Variants in VARS1 observed in about 807,000 individuals in gnomAD.
The protein encoded by VARS1 is valine--tRNA ligase.
In VARS1, 92 loss-of-function variants were observed where a neutral mutation model predicts 161.0. The ratio of observed to expected loss-of-function variants is 0.57; its 90% confidence interval spans 0.48 to 0.68. The LOEUF is 0.68. Among genes scored for constraint, VARS1 ranks in the 30% least tolerant of loss-of-function variants. The probability of loss-of-function intolerance (pLI) is 0.00; values close to 1 mark genes in which losing one functional copy is unlikely to be tolerated. For missense variants in VARS1, 1,338 were observed against 1,695.9 expected (o/e 0.79, Z 3.71); for synonymous variants, 595 against 682.5 (o/e 0.87, Z 2.00).
chr6:31,792,331 G>C, intron 5 of VARS1, 30 bp from the exon 6 acceptor site: 1 of 1,613,862 alleles, frequency 6.2e-7, no homozygotes, highest in Non-Finnish European at 8.5e-7. Flanking sequence ...CATAGGCCCA[G>C]GCATCAGCCA....
At chr6:31,787,826 T>C (rs969359423) in intron 8 of VARS1, among the ~76,000 whole-genome samples, 4 of 149,156 alleles carry the variant, frequency 2.7e-5, no homozygotes, top group African/African-American at 7.4e-5. Context: ...TATTAAAAAA[T>C]TGAAAAACAG....
chr6:31,783,888 C>T (rs1329694222), intron 13 of VARS1, among the ~76,000 whole-genome samples: 1 of 152,150 alleles, frequency 6.6e-6, no homozygotes, highest in East Asian at 1.9e-4. Flanking sequence ...GTCTCGAACT[C>T]GTGACCTTAT....
rs1292333823 is a variant in VARS1 at position 31,781,769 on chromosome 6, A to G, written c.2348-8T>C. ...TATCCAATACATCCTCATCTGAGAG[A>G]GGCCAAAGGTCAGAGGTCAGAGGGA... On this transcript the variant is annotated splice_polypyrimidine_tract_variant and splice_region_variant and intron_variant, in intron 19 of 29. Transcript: ENST00000375663. The surrounding 1 kb of genome is among the most constrained non-coding windows in gnomAD (Gnocchi z 6.8). 6.2e-7 allele frequency: 1 copy of G among 1,612,888 alleles called. No individual in the cohort carries two copies. The highest frequency in any genetic ancestry group is 1.3e-5 in the African/African-American group (1 of 74,898).
rs150385182 is a variant in VARS1, at chr6:31,792,839, C to A, written c.579G>T (p.Thr193=). 1.2e-6 allele frequency: 2 copies of A among 1,614,054 alleles called. No homozygotes were observed. The highest frequency in any genetic ancestry group is 1.7e-6 in the Non-Finnish European group (2 of 1,180,046). The part of the protein sequence containing the change: ...IWNNVTRWFV[T]CVRQPEFRAV... ...CTCGGAATTCTGGCTGCCGGACACA[C>A]GTGACAAACCAGCGAGTCACATTAT... The change falls in exon 4 of 30, where the codon ACG becomes ACT. Residue 193 remains threonine (T), a synonymous_variant. Coordinates refer to ENST00000375663, the MANE Select transcript of VARS1 (RefSeq NM_006295.3).
rs1813895978 is a variant in VARS1 at position 31,791,949 on chromosome 6, G to A, written c.894C>T (p.Asp298=). The part of the protein sequence containing the change: ...EKKDVSGPMP[D]SYSPRYVEAA... Reference sequence around the variant, plus strand: ...CCTCCACATACCGAGGGCTGTAGGAGTCGGGCATGGGGCCACTGACATCTG... The same window carrying A: ...CCTCCACATACCGAGGGCTGTAGGAATCGGGCATGGGGCCACTGACATCTG... Residue 298 remains aspartate, a synonymous_variant, in exon 7 of 30, where the codon GAC becomes GAT. Transcript: ENST00000375663. The surrounding 1 kb of genome is among the most constrained non-coding windows in gnomAD (Gnocchi z 5.0). 1 of 1,598,730 alleles carries A rather than the reference G, an allele frequency of 6.3e-7. No homozygotes were observed. The highest frequency in any genetic ancestry group is 1.7e-5 in the Admixed American group (1 of 58,894).
chr6:31,779,228 C>A lies in VARS1; in HGVS notation c.3465G>T (p.Gln1155His), dbSNP rs762563641. 1 of 1,606,734 alleles carries A rather than the reference C, an allele frequency of 6.2e-7. No homozygotes were observed. Among genetic ancestry groups the A allele is most frequent in the Non-Finnish European group, 8.5e-7 (1 of 1,179,278 alleles). The change falls in exon 29 of 30, where the codon CAG becomes CAT. Residue 1155 changes from glutamine to histidine, a missense_variant. Around this residue, in one of 3 missense-constraint regions of VARS1, gnomAD observed 433 missense variants for 586.2 expected, o/e 0.74. Coordinates refer to ENST00000375663, the MANE Select transcript of VARS1 (RefSeq NM_006295.3). The surrounding 1 kb of genome is among the most constrained non-coding windows in gnomAD (Gnocchi z 9.1). ...CCACCACACCTGCGCTGGCCAGGGC[C>A]TGCACGTAGCCCGACACCGCCGATG... The part of the protein sequence containing the change: ...ALASAVSGYV[Q>H]ALASAGVVAV...
rs930274018 is a variant in VARS1, at chr6:31,782,195, G to A, written c.2151-18C>T. On this transcript the variant is annotated intron_variant, in intron 17 of 29. Coordinates refer to ENST00000375663, the MANE Select transcript of VARS1 (RefSeq NM_006295.3). The surrounding 1 kb of genome is among the most constrained non-coding windows in gnomAD (Gnocchi z 8.3). ...ACCACTCCCTGCAAATGTCGGGGAG[G>A]AGAAATCAGGGAGGGCCTGATGGAG... 4.3e-6 allele frequency: 7 copies of A among 1,612,926 alleles called. No homozygotes were observed. The highest frequency in any genetic ancestry group is 5.9e-6 in the Non-Finnish European group (7 of 1,179,484).
In VARS1 at chr6:31,791,926, T is replaced by C. The variant is rs1345048933; in HGVS notation, c.917A>G (p.Glu306Gly). The change falls in exon 7 of 30, where the codon GAG (glutamate) becomes GGG (glycine). Residue 306 changes from glutamate to glycine, a missense_variant. Glu to Gly is a moderately conservative substitution (Grantham distance 98). Transcript: ENST00000375663. This position sits in a 1 kb window ranked among gnomAD's most constrained non-coding sequence, Gnocchi z 5.0. ...CTCCCACCAAGGGTACCAGGCAGCCTCCACATACCGAGGGCTGTAGGAGTC... is the reference window on the plus strand; with the variant it reads ...CTCCCACCAAGGGTACCAGGCAGCCCCCACATACCGAGGGCTGTAGGAGTC... ...MPDSYSPRYV[E>G]AAWYPWWEQQ... is the part of the protein sequence containing the mutation. 2 of 1,605,398 alleles carry C rather than the reference T, an allele frequency of 1.2e-6. No individual in the cohort carries two copies. The highest frequency in any genetic ancestry group is 4.5e-5 in the East Asian group (2 of 44,776).
intron 13 of VARS1, 163 bp from the exon 14 acceptor site, chr6:31,783,349 A>G: frequency 1.5e-6 from 1 of 673,090 alleles, no homozygotes; most frequent in Non-Finnish European, 2.5e-6. Flanking sequence ...TACTAAAAAT[A>G]CAAAAAAAAA....
Position 31,784,532 on chromosome 6 carries a change from C to T in VARS1, c.1468-30G>A. 6.2e-7 allele frequency: 1 copy of T among 1,613,708 alleles called. No individual in the cohort carries two copies. The highest frequency in any genetic ancestry group is 1.7e-5 in the Admixed American group (1 of 60,028). ...AAAATGGGTATTTAGAGGCGTGGCCCAGGGGCCAGGGCCAGGGCCAGGGTA... is the reference window on the plus strand; with the variant it reads ...AAAATGGGTATTTAGAGGCGTGGCCTAGGGGCCAGGGCCAGGGCCAGGGTA... On this transcript the variant is annotated intron_variant, in intron 11 of 29. Transcript: ENST00000375663. This position sits in a 1 kb window ranked among gnomAD's most constrained non-coding sequence, Gnocchi z 6.1.
intron 8 of VARS1, among the ~76,000 whole-genome samples, chr6:31,787,923 C>A (rs1813608892): frequency 6.6e-6 from 1 of 151,946 alleles, no homozygotes; most frequent in Non-Finnish European, 1.5e-5. Context: ...TCGAGACCAT[C>A]TTGGCTAACA....
At chr6:31,790,186 T>C (rs2151431121) in intron 8 of VARS1, among the ~76,000 whole-genome samples, 1 of 152,174 alleles carries the variant, frequency 6.6e-6, no homozygotes, top group Middle Eastern at 3.4e-3. Flanking sequence ...AAAGCCGTCC[T>C]GGGCCGCATG....
Position 31,780,210 on chromosome 6 carries a change from G to C in VARS1, c.2926-57C>G. Reference sequence around the variant, plus strand: ...CCAGGGGAGGGTGCCAGAACCCCATGGGGGCAGGAGTCATGGGCAAATCTT... The same window carrying C: ...CCAGGGGAGGGTGCCAGAACCCCATCGGGGCAGGAGTCATGGGCAAATCTT... On this transcript the variant is annotated intron_variant, in intron 25 of 29. Transcript: ENST00000375663. This position sits in a 1 kb window ranked among gnomAD's most constrained non-coding sequence, Gnocchi z 5.1. 6.2e-7 allele frequency: 1 copy of C among 1,600,240 alleles called. No homozygotes were observed. The highest frequency in any genetic ancestry group is 1.1e-5 in the South Asian group (1 of 90,486).
intron 8 of VARS1, among the ~76,000 whole-genome samples, chr6:31,789,135 A>G (rs1398699034): frequency 6.6e-6 from 1 of 152,162 alleles, no homozygotes; most frequent in Non-Finnish European, 1.5e-5. Flanking sequence ...AACAAATAGT[A>G]ACAGAAAACA....
intron 8 of VARS1, among the ~76,000 whole-genome samples, chr6:31,788,502 C>CAA (rs1462353016): frequency 7.7e-6 from 1 of 129,936 alleles, no homozygotes; most frequent in Non-Finnish European, 1.7e-5. Flanking sequence ...CTCAAAAAAA[C>CAA]AAAAAAAACA....
intron 2 of VARS1, 85 bp from the exon 3 acceptor site, chr6:31,793,205 C>T (rs1033097656): frequency 2.0e-6 from 3 of 1,485,642 alleles, no homozygotes; most frequent in Non-Finnish European, 1.8e-6. Flanking sequence ...CCTCCCTCCA[C>T]CCCACTCTCA....
At position 31,777,658 on chromosome 6, in the gene VARS1, T is replaced by C; in HGVS notation, c.3731A>G (p.Gln1244Arg). ...EVQEADEAKL[Q>R]QTEAELRKVD... The stretch of plus-strand genomic sequence containing the variant: ...CTTCCTGAGCTCTGCTTCTGTCTGT[T>C]GGAGCTGGAGTGGAACCAGGGGGTG... The change falls in exon 30 of 30, where the codon CAA becomes CGA. Residue 1244 changes from glutamine (Q) to arginine (R), a missense_variant. By Grantham distance (43) the Gln-to-Arg change is conservative. This residue lies in a region of VARS1 where 433 missense variants were observed against 586.2 expected (regional missense o/e 0.74). Transcript: ENST00000375663. The surrounding 1 kb of genome is among the most constrained non-coding windows in gnomAD (Gnocchi z 5.8). 1.2e-6 allele frequency: 2 copies of C among 1,613,554 alleles called. No homozygotes were observed. Among genetic ancestry groups the C allele is most frequent in the Non-Finnish European group, 1.7e-6 (2 of 1,179,780 alleles).
chr6:31,781,786 T>G lies in VARS1; in HGVS notation c.2348-25A>C. The G allele has an allele frequency of 6.2e-7, 1 of 1,612,862 alleles. No homozygotes were observed. The highest frequency in any genetic ancestry group is 8.5e-7 in the Non-Finnish European group (1 of 1,179,968). On this transcript the variant is annotated intron_variant, in intron 19 of 29. Transcript: ENST00000375663. This position sits in a 1 kb window ranked among gnomAD's most constrained non-coding sequence, Gnocchi z 6.8. Reference sequence around the variant, plus strand: ...TCTGAGAGAGGCCAAAGGTCAGAGGTCAGAGGGAGTGGAGCTCTGCCCCCC... The same window carrying G: ...TCTGAGAGAGGCCAAAGGTCAGAGGGCAGAGGGAGTGGAGCTCTGCCCCCC...
At position 31,791,726 on chromosome 6, in the gene VARS1, C is replaced by T; in HGVS notation, c.984G>A (p.Val328=). The change falls in exon 8 of 30, where the codon GTG becomes GTA. Residue 328 remains valine (V), a synonymous_variant. Coordinates refer to ENST00000375663, the MANE Select transcript of VARS1 (RefSeq NM_006295.3). The surrounding 1 kb of genome is among the most constrained non-coding windows in gnomAD (Gnocchi z 5.0). The stretch of plus-strand genomic sequence containing the variant: ...AGACACCTCGGGGATTTGCTGCTGA[C>T]ACATTAGGACGCTGATGGTGGAGAA... The part of the protein sequence containing the change: ...FFKPEYGRPN[V]SAANPRGVFM... The T allele has an allele frequency of 6.2e-7, 1 of 1,613,076 alleles. No homozygotes were observed. The highest frequency in any genetic ancestry group is 1.1e-5 in the South Asian group (1 of 91,092).
Sources: allele counts gnomAD v4.1 joint callset (sites outside exome capture counted in the v4.1 genomes callset), GRCh38; gene constraint gnomAD v4.1.1; regional missense constraint gnomAD v4.1.1; non-coding constraint Gnocchi (gnomAD v3.1); transcripts MANE v1.5; gene names NCBI Gene and HGNC (gene_info 2026-07-23, HGNC 2026-07-21).